Variants in FARS2 observed in about 807,000 individuals in gnomAD.
The protein encoded by FARS2 is phenylalanine--tRNA ligase, mitochondrial.
FARS2 carries 40 observed loss-of-function variants against 46.4 expected under a neutral mutation model. That is an observed-to-expected ratio of 0.86 (90% CI 0.67 to 1.12). The LOEUF (loss-of-function observed/expected upper bound fraction) is 1.12. Ranked by LOEUF, FARS2 falls within the 50% of genes most tolerant of loss-of-function variation. FARS2 has a pLI of 0.00. For missense variants in FARS2, 513 were observed against 567.9 expected, an observed-to-expected ratio of 0.90 and a Z score of 0.98; for synonymous variants, 234 against 214.9, an observed-to-expected ratio of 1.09 and a Z score of -0.78.
intron 6 of FARS2, among the ~76,000 whole-genome samples, chr6:5,659,418 T>C (rs1316854121): frequency 6.6e-6 from 1 of 152,170 alleles, no homozygotes; most frequent in Admixed American, 6.6e-5. Flanking sequence ...TGCCATCCCT[T>C]GAGGAACTCA....
At chr6:5,431,238 C>T (rs977098536) in intron 4 of FARS2, 66 bp downstream of exon 4, 41 of 1,523,310 alleles carry the variant, frequency 2.7e-5, no homozygotes, top group Admixed American at 5.1e-5. Flanking sequence ...CAGGCAGCCC[C>T]GTTGCACACT....
At chr6:5,296,885 G>A (rs1767933139) in intron 1 of FARS2, among the ~76,000 whole-genome samples, 1 of 152,180 alleles carries the variant, frequency 6.6e-6, no homozygotes, top group South Asian at 2.1e-4. Flanking sequence ...CTGTGATCAT[G>A]AGTGTACAGA....
chr6:5,329,160 C>A (rs1326521635), intron 1 of FARS2, among the ~76,000 whole-genome samples: 1 of 151,780 alleles, frequency 6.6e-6, no homozygotes, highest in Non-Finnish European at 1.5e-5. Flanking sequence ...TGGCTACCAA[C>A]CAACTTATAA....
At chr6:5,266,756 G>A (rs770276493) in intron 1 of FARS2, among the ~76,000 whole-genome samples, 2 of 152,100 alleles carry the variant, frequency 1.3e-5, no homozygotes, top group Admixed American at 6.5e-5. Flanking sequence ...AAAGCTAACC[G>A]GTTTGTATTG....
chr6:5,435,508 G>A (rs538930014), intron 4 of FARS2, among the ~76,000 whole-genome samples: 1 of 152,220 alleles, frequency 6.6e-6, no homozygotes, highest in South Asian at 2.1e-4. Context: ...TTAAGTCGTA[G>A]TGTCTTCACC....
chr6:5,480,914 C>T (rs911774556), intron 4 of FARS2, among the ~76,000 whole-genome samples: 8 of 152,126 alleles, frequency 5.3e-5, no homozygotes, highest in East Asian at 1.9e-4. Context: ...AAAACAACAT[C>T]GAGTGTGTAT....
At chr6:5,736,366 C>A (rs1346681330) in intron 6 of FARS2, among the ~76,000 whole-genome samples, 1 of 152,166 alleles carries the variant, frequency 6.6e-6, no homozygotes, top group Non-Finnish European at 1.5e-5. Context: ...TGGGAGGGGC[C>A]ACACAAGACA....
intron 6 of FARS2, among the ~76,000 whole-genome samples, chr6:5,638,490 G>C (rs1257409652): frequency 1.3e-5 from 2 of 152,186 alleles, no homozygotes; most frequent in Non-Finnish European, 2.9e-5. Flanking sequence ...GCTTGAACCC[G>C]GGAGGCAGAG....
upstream of FARS2, among the ~76,000 whole-genome samples, chr6:5,256,632 G>C (rs1764693087): frequency 6.6e-6 from 1 of 150,700 alleles, no homozygotes; most frequent in African/African-American, 2.4e-5. Context: ...AACAGAGAGT[G>C]ATGTGACTTG....
chr6:5,496,319 A>G (rs1447601214), intron 4 of FARS2, among the ~76,000 whole-genome samples: 3 of 152,124 alleles, frequency 2.0e-5, no homozygotes, highest in Non-Finnish European at 4.4e-5. Context: ...GTATAAGATT[A>G]CTTAAAATGA....
chr6:5,341,679 C>T (rs1034133251), intron 1 of FARS2, among the ~76,000 whole-genome samples: 5 of 151,854 alleles, frequency 3.3e-5, no homozygotes, highest in Admixed American at 1.3e-4. Context: ...CCATCACACC[C>T]GGCTAATTTT....
At chr6:5,707,321 A>G (rs900626637) in intron 6 of FARS2, among the ~76,000 whole-genome samples, 1 of 152,158 alleles carries the variant, frequency 6.6e-6, no homozygotes, top group African/African-American at 2.4e-5. Context: ...CAGATTCAGC[A>G]CCTGAGAATA....
At chr6:5,496,717 C>T (rs1047462707) in intron 4 of FARS2, among the ~76,000 whole-genome samples, 1 of 152,018 alleles carries the variant, frequency 6.6e-6, no homozygotes, top group Admixed American at 6.6e-5. Flanking sequence ...GGATTAGGGC[C>T]CATCTTATGA....
chr6:5,483,489 A>C (rs923403115), intron 4 of FARS2, among the ~76,000 whole-genome samples: 1 of 152,064 alleles, frequency 6.6e-6, no homozygotes, highest in Non-Finnish European at 1.5e-5. Context: ...CCAACATGAC[A>C]AAACCCTGTC....
At chr6:5,422,374 C>G (rs1014977579) in intron 3 of FARS2, among the ~76,000 whole-genome samples, 2 of 151,990 alleles carry the variant, frequency 1.3e-5, no homozygotes, top group African/African-American at 4.8e-5. Flanking sequence ...CTCTCTCTCT[C>G]TCTCTTTTTT....
chr6:5,394,281 C>A (rs1760760665), intron 2 of FARS2, among the ~76,000 whole-genome samples: 1 of 152,176 alleles, frequency 6.6e-6, no homozygotes, highest in Non-Finnish European at 1.5e-5. Context: ...TGACAATGGT[C>A]CCACAAGATT....
chr6:5,287,611 G>A (rs1767215223), intron 1 of FARS2, among the ~76,000 whole-genome samples: 3 of 152,070 alleles, frequency 2.0e-5, no homozygotes, highest in Admixed American at 2.0e-4. Flanking sequence ...GCCCTTCCCC[G>A]TCCCACAGAA....
intron 4 of FARS2, among the ~76,000 whole-genome samples, chr6:5,479,778 C>T (rs1766337301): frequency 6.6e-6 from 1 of 152,188 alleles, no homozygotes; most frequent in Non-Finnish European, 1.5e-5. Flanking sequence ...CACATTACAA[C>T]TTAATTGTAT....
At chr6:5,431,674 G>A (rs752453326) in intron 4 of FARS2, 20 of 532,992 alleles carry the variant, frequency 3.8e-5, no homozygotes, top group Admixed American at 2.7e-4. Context: ...CATAGGCGGC[G>A]CCACCTGACT....
Sources: gnomAD v4.1 joint callset for allele counts (sites outside exome capture counted in the v4.1 genomes callset) on GRCh38, gnomAD v4.1.1 for gene constraint, MANE v1.5 for transcripts, NCBI Gene and HGNC (gene_info 2026-07-23, HGNC 2026-07-21) for gene names.